The following ANTXRL variants were observed in gnomAD, a reference collection of about 807,000 sequenced individuals.
The protein encoded by ANTXRL is anthrax toxin receptor-like.
Under a neutral mutation model 75.4 loss-of-function variants are expected in ANTXRL, and 63 were observed. That is an observed-to-expected ratio of 0.84 (90% CI 0.68 to 1.03). The LOEUF (loss-of-function observed/expected upper bound fraction) is 1.03. Among genes scored for constraint, ANTXRL ranks in the 50% least tolerant of loss-of-function variants. The pLI, the probability that ANTXRL is intolerant of heterozygous loss-of-function variation, is 0.00. For missense variants in ANTXRL, 797 were observed against 789.4 expected (o/e 1.01, Z -0.12); for synonymous variants, 335 against 291.3 (o/e 1.15, Z -1.53).
intron 9 of ANTXRL, among the ~76,000 whole-genome samples, chr10:46,301,430 A>G (rs555374894): frequency 2.0e-5 from 3 of 152,282 alleles, no homozygotes; most frequent in African/African-American, 7.2e-5. Flanking sequence ...GCAGCATAGT[A>G]TCCATCAAGT....
chr10:46,293,620 T>G, intron 2 of ANTXRL, among the ~76,000 whole-genome samples: 1 of 151,814 alleles, frequency 6.6e-6, no homozygotes, highest in East Asian at 1.9e-4. Context: ...AGTGTGGGGA[T>G]GCAGTGAGTT....
rs1283034702 is a variant in ANTXRL, at chr10:46,326,172, G to A, written c.1411-3427G>A. Among the ~76,000 whole-genome samples the A allele has an allele frequency of 2.6e-5, 4 of 151,906 alleles. No individual in the cohort carries two copies. In the East Asian group the frequency reaches 5.8e-4, roughly 22 times the overall value. ...GGACTCATAGTATGTGAGTAGAGAT[G>A]GATAAAAAGAGGAATAGCTGTGAGT... On this transcript the variant is annotated intron_variant, in intron 16 of 16. Coordinates refer to ENST00000620264, the MANE Select transcript of ANTXRL (RefSeq NM_001278688.3).
At position 46,287,328 on chromosome 10, in the gene ANTXRL, A is replaced by G. The variant is rs191694983; in HGVS notation, c.66A>G (p.Pro22=). 3 of 1,535,858 alleles carry G rather than the reference A, an allele frequency of 2.0e-6. No individual in the cohort carries two copies. Among genetic ancestry groups the G allele is most frequent in the Admixed American group, 2.0e-5 (1 of 50,960 alleles). The change falls in exon 1 of 17, where the codon CCA becomes CCG. Residue 22 remains proline (P), a synonymous_variant. Transcript: ENST00000620264. ...LVFLLLLLLP[P]PLFRAGSLRY... is the part of the protein sequence containing the mutation. ...TCCTGCTGCTGCTGCTGCTTCCTCC[A>G]CCGCTTTTTAGAGCAGGAAGCCTTC...
Position 46,293,302 on chromosome 10 carries a change from G to GTGCC in ANTXRL, c.321-525_321-524insCCTG, listed in dbSNP as rs1282041853. On this transcript the variant is annotated intron_variant, in intron 2 of 16. Coordinates refer to ENST00000620264, the MANE Select transcript of ANTXRL (RefSeq NM_001278688.3). ...TGAGAGTGTGTGCGTGTGTGCCTGT[G>GTGCC]TGTGTGTGCGTGTGTGCCTGTGTGT... Among the ~76,000 whole-genome samples, 5 of 55,532 alleles carry GTGCC rather than the reference G, an allele frequency of 9.0e-5. No homozygotes were observed. The East Asian group carries it at 1.0e-3, about 11-fold the overall frequency. The allele number at this position is 55,532 out of a possible 152,430, so 36.4% of individuals were successfully genotyped here.
Position 46,296,000 on chromosome 10 carries a change from C to T in ANTXRL, c.393-19C>T. The T allele has an allele frequency of 6.5e-7, 1 of 1,532,788 alleles. No homozygotes were observed. The highest frequency in any genetic ancestry group is 8.7e-7 in the Non-Finnish European group (1 of 1,144,024). 94.9% of individuals were successfully genotyped at this position (1,532,788 alleles called of 1,614,324 possible). A position where few individuals can be genotyped will look rare whatever the true frequency, so the allele number is the denominator to read the frequency against. ...GTCAATGTCTTTCCAGGTCAACCACCTTTTTAAATTTTTTTCAGGAATAGA... is the reference window on the plus strand; with the variant it reads ...GTCAATGTCTTTCCAGGTCAACCACTTTTTTAAATTTTTTTCAGGAATAGA... On this transcript the variant is annotated intron_variant, in intron 3 of 16. Coordinates refer to ENST00000620264, the MANE Select transcript of ANTXRL (RefSeq NM_001278688.3).
intron 16 of ANTXRL, 133 bp from the exon 17 acceptor site, chr10:46,329,466 A>G: frequency 8.6e-7 from 1 of 1,163,626 alleles, no homozygotes; most frequent in Non-Finnish European, 1.2e-6. Context: ...GGGAGAGAGG[A>G]GGAGCACAGC....
rs187493851 is a variant in ANTXRL at position 46,309,664 on chromosome 10, G to A, written c.1134+462G>A. ...GCTGTCTGTACCTTGAGGAACCAGT[G>A]TGGATCTCGGCACATGTCTAGTTCC... On this transcript the variant is annotated intron_variant, in intron 13 of 16. Transcript: ENST00000620264. 1.5e-3 allele frequency among the ~76,000 whole-genome samples: 229 copies of A among 152,276 alleles called. 2 individuals carry two copies. Among genetic ancestry groups the A allele is most frequent in the African/African-American group, 5.1e-3 (211 of 41,534 alleles).
intron 16 of ANTXRL, among the ~76,000 whole-genome samples, chr10:46,328,947 C>T (rs1366953042): frequency 6.6e-6 from 1 of 152,122 alleles, no homozygotes; most frequent in Non-Finnish European, 1.5e-5. Context: ...ATCAAGTCTT[C>T]AGACAGGGTT....
At position 46,287,022 on chromosome 10, in the gene ANTXRL, G is replaced by C. The variant is rs1257351704; in HGVS notation, c.-241G>C. 1.7e-6 allele frequency: 1 copy of C among 573,354 alleles called. No individual in the cohort carries two copies. Among genetic ancestry groups the C allele is most frequent in the Admixed American group, 3.2e-5 (1 of 30,986 alleles). The allele number at this position is 573,354 out of a possible 1,614,324, so 35.5% of individuals were successfully genotyped here. A position where few individuals can be genotyped will look rare whatever the true frequency, so the allele number is the denominator to read the frequency against. ...CATAACAGAGAATTCTGTCCCCAGG[G>C]TGGGGGAAGGGCCAGGCAGGTAGCT... On this transcript the variant is annotated 5_prime_UTR_variant, in exon 1 of 17. Coordinates refer to ENST00000620264, the MANE Select transcript of ANTXRL (RefSeq NM_001278688.3).
At chr10:46,321,425 C>T (rs1838971653) in intron 16 of ANTXRL, among the ~76,000 whole-genome samples, 1 of 152,128 alleles carries the variant, frequency 6.6e-6, no homozygotes, top group African/African-American at 2.4e-5. Flanking sequence ...ACCTGAAAGT[C>T]TGCAATATAT....
chr10:46,316,490 C>T (rs1402428575), intron 16 of ANTXRL, among the ~76,000 whole-genome samples: 2 of 152,154 alleles, frequency 1.3e-5, no homozygotes, highest in African/African-American at 4.8e-5. Context: ...ATGGCCACCT[C>T]TCTGTCCTGC....
At position 46,311,606 on chromosome 10, in the gene ANTXRL, C is replaced by A; in HGVS notation, c.1270C>A (p.Pro424Thr). 2 of 1,408,968 alleles carry A rather than the reference C, an allele frequency of 1.4e-6. No homozygotes were observed. Among genetic ancestry groups the A allele is most frequent in the Non-Finnish European group, 1.9e-6 (2 of 1,030,738 alleles). 87.3% of individuals were successfully genotyped at this position (1,408,968 alleles called of 1,614,324 possible). A position where few individuals can be genotyped will look rare whatever the true frequency, so the allele number is the denominator to read the frequency against. ...PPPPAPVNTC[P>T]TVIICCCGCQ... ...GCCCCCAGCTCCTGTAAACACCTGC[C>A]CCACTGTGATTATTTGTTGCTGTGG... is the stretch of plus-strand genomic sequence containing the variant. The change falls in exon 15 of 17, where the codon CCC becomes ACC. Residue 424 changes from proline (P) to threonine (T), a missense_variant. Pro to Thr is a conservative substitution (Grantham distance 38). This residue lies in a region of ANTXRL where 479 missense variants were observed against 422.0 expected (regional missense o/e 1.14). Coordinates refer to ENST00000620264, the MANE Select transcript of ANTXRL (RefSeq NM_001278688.3).
chr10:46,311,480 G>A, intron 14 of ANTXRL, 30 bp from the exon 15 acceptor site: 1 of 1,511,650 alleles, frequency 6.6e-7, no homozygotes, highest in Non-Finnish European at 8.8e-7. Context: ...TGCCAGCACT[G>A]TGAGCAGACA....
chr10:46,305,464 G>A (rs1397867802), intron 10 of ANTXRL, among the ~76,000 whole-genome samples: 5 of 152,216 alleles, frequency 3.3e-5, no homozygotes, highest in African/African-American at 1.2e-4. Context: ...AGGAAAATGA[G>A]GAGGATGCCA....
At chr10:46,311,376 T>G (rs1160393138) in intron 14 of ANTXRL, 134 bp from the exon 15 acceptor site, 55 of 1,296,224 alleles carry the variant, frequency 4.2e-5, no homozygotes, top group Non-Finnish European at 5.4e-5. Context: ...AGTTTGCGTG[T>G]TTTTCACATG....
chr10:46,297,423 A>G lies in ANTXRL; in HGVS notation c.603A>G (p.Lys201=). The change falls in exon 7 of 17, where the codon AAA becomes AAG. Residue 201 remains lysine, a synonymous_variant. Transcript: ENST00000620264. Reference sequence around the variant, plus strand: ...TCCCTTAGGCTCAAAAGGCTCGGAAACTGGGGGCCAACGTTTACACCCTGG... The same window carrying G: ...TCCCTTAGGCTCAAAAGGCTCGGAAGCTGGGGGCCAACGTTTACACCCTGG... ...DTLREAQKAR[K]LGANVYTLGV... 6.5e-7 allele frequency: 1 copy of G among 1,535,942 alleles called. No individual in the cohort carries two copies. Among genetic ancestry groups the G allele is most frequent in the Non-Finnish European group, 8.7e-7 (1 of 1,146,770 alleles).
intron 3 of ANTXRL, chr10:46,294,137 C>T (rs1554957812): frequency 1.8e-6 from 1 of 545,298 alleles, no homozygotes; most frequent in Non-Finnish European, 3.3e-6. Flanking sequence ...GCCTCCCCCA[C>T]TTCACGCTCC....
intron 16 of ANTXRL, among the ~76,000 whole-genome samples, chr10:46,327,025 G>A (rs1839249674): frequency 6.6e-6 from 1 of 152,090 alleles, no homozygotes; most frequent in Non-Finnish European, 1.5e-5. Flanking sequence ...AGTGCTCTGG[G>A]GCTTTGGGAC....
At position 46,293,902 on chromosome 10, in the gene ANTXRL, T is replaced by G. The variant is rs1837209466; in HGVS notation, c.392+2T>G. On this transcript the variant is annotated splice_donor_variant, in intron 3 of 16. Coordinates refer to ENST00000620264, the MANE Select transcript of ANTXRL (RefSeq NM_001278688.3). LOFTEE classifies it high-confidence loss of function. Reference sequence around the variant, plus strand: ...TGTCTTGCCACTCACCTCAGACAAGTGAGTGCTGCTTTGAGCCCCAAAGGG... The same window carrying G: ...TGTCTTGCCACTCACCTCAGACAAGGGAGTGCTGCTTTGAGCCCCAAAGGG... The G allele has an allele frequency of 6.5e-7, 1 of 1,535,336 alleles. No homozygotes were observed. The highest frequency in any genetic ancestry group is 8.7e-7 in the Non-Finnish European group (1 of 1,146,488).
Sources: allele counts gnomAD v4.1 joint callset (sites outside exome capture counted in the v4.1 genomes callset), GRCh38; gene constraint gnomAD v4.1.1; regional missense constraint gnomAD v4.1.1; transcripts MANE v1.5; gene names NCBI Gene and HGNC (gene_info 2026-07-23, HGNC 2026-07-21).